The following FAIM variants were observed in gnomAD, a reference collection of about 807,000 sequenced individuals.
The protein encoded by FAIM is Fas apoptotic inhibitory molecule.
FAIM carries 14 observed loss-of-function variants against 21.2 expected under a neutral mutation model. That is an observed-to-expected ratio of 0.66 (90% CI 0.44 to 1.03). The LOEUF (loss-of-function observed/expected upper bound fraction) is 1.03, where lower values mean the gene tolerates loss of function less well. Ranked by LOEUF, FAIM falls within the 50% of genes least tolerant of loss-of-function variation. The probability of loss-of-function intolerance (pLI) is 0.00; values close to 1 mark genes in which losing one functional copy is unlikely to be tolerated. For synonymous variants in FAIM, 86 were observed against 80.4 expected (o/e 1.07, Z -0.37); for missense variants, 222 against 247.1 (o/e 0.90, Z 0.68).
intron 1 of FAIM, among the ~76,000 whole-genome samples, chr3:138,611,298 G>A (rs2042766055): frequency 6.7e-6 from 1 of 149,936 alleles, no homozygotes. Flanking sequence ...TTTTAACAAC[G>A]TTACTGAAAT....
chr3:138,612,218 G>A (rs923564714), intron 1 of FAIM, among the ~76,000 whole-genome samples: 2 of 150,396 alleles, frequency 1.3e-5, no homozygotes, highest in South Asian at 2.1e-4. Context: ...CTCCTGCCTC[G>A]GCCTCTTGAG....
intron 4 of FAIM, among the ~76,000 whole-genome samples, chr3:138,624,427 A>G (rs1200837700): frequency 6.6e-6 from 1 of 152,200 alleles, no homozygotes; most frequent in African/African-American, 2.4e-5. Context: ...TCTTTAAAAA[A>G]TATATTTTTC....
intron 1 of FAIM, among the ~76,000 whole-genome samples, chr3:138,612,973 A>G (rs2042786029): frequency 6.9e-6 from 1 of 145,142 alleles, no homozygotes; most frequent in Admixed American, 6.8e-5. Context: ...GACCATTTGT[A>G]TGTCTTCTTT....
chr3:138,609,614 A>ACTCTCT (rs1211208979), intron 1 of FAIM, among the ~76,000 whole-genome samples: 411 of 25,412 alleles, frequency 0.016, 17 homozygotes, highest in African/African-American at 0.038. Flanking sequence ...CTCTCTCTCG[A>ACTCTCT]CTCTCTCTCT....
At chr3:138,611,068 A>T in intron 1 of FAIM, 5 of 1,475,338 alleles carry the variant, frequency 3.4e-6, no homozygotes, top group Non-Finnish European at 3.8e-6. Context: ...CTGGTACATA[A>T]GTACCCAATA....
In FAIM at chr3:138,627,642, C is replaced by T. The variant is rs185305104; in HGVS notation, c.407-1465C>T. Among the ~76,000 whole-genome samples the T allele has an allele frequency of 5.9e-5, 9 of 152,284 alleles. No homozygotes were observed. The East Asian group carries it at 1.5e-3, about 26-fold the overall frequency. ...GTAAAATACCAGTTTCTACCATCAT[C>T]GTGGTTTATCATAGCACTGTGTGCA... On this transcript the variant is annotated intron_variant, in intron 4 of 5. Transcript: ENST00000360570.
intron 1 of FAIM, among the ~76,000 whole-genome samples, chr3:138,618,114 T>G (rs2042847619): frequency 6.7e-6 from 1 of 149,868 alleles, no homozygotes; most frequent in Non-Finnish European, 1.5e-5. Context: ...CCCCAGTAGC[T>G]GGGACTACAG....
rs373425343 is a variant in FAIM, at chr3:138,629,122, A to G, written c.422A>G (p.Asp141Gly). 45 of 1,610,850 alleles carry G rather than the reference A, an allele frequency of 2.8e-5. No individual in the cohort carries two copies. The highest frequency in any genetic ancestry group is 6.7e-5 in the East Asian group (3 of 44,840). ...ACCTTTACAGAAAAAGATGCTATGG[A>G]CGTATGGTGCAATGGTAAAAAATTG... ...FRIVLEKDAM[D>G]VWCNGKKLET... Residue 141 changes from aspartate (D) to glycine (G), a missense_variant, in exon 5 of 6, where the codon GAC becomes GGC. By Grantham distance (94) the Asp-to-Gly change is moderately conservative (BLOSUM62 -1). Transcript: ENST00000360570.
chr3:138,613,028 C>A (rs996290471), intron 1 of FAIM, among the ~76,000 whole-genome samples: 11 of 117,266 alleles, frequency 9.4e-5, no homozygotes, highest in African/African-American at 3.0e-4. Context: ...TTTTTTTTTT[C>A]CTGGAAACAG....
At position 138,633,043 on chromosome 3, in the gene FAIM, T is replaced by G. The variant is rs746381811; in HGVS notation, c.570T>G (p.Ile190Met). Residue 190 changes from isoleucine to methionine, a missense_variant, in exon 6 of 6, where the codon ATT (isoleucine) becomes ATG (methionine). Physicochemically the swap from Ile to Met is conservative, Grantham distance 10. Transcript: ENST00000360570. ...AAGAAGGGATTATTCATACTCTCATTGTGGATAATAGAGAAATCCCAGAGA... is the reference window on the plus strand; with the variant it reads ...AAGAAGGGATTATTCATACTCTCATGGTGGATAATAGAGAAATCCCAGAGA... ...KRKEGIIHTL[I>M]VDNREIPEIA... 6.2e-7 allele frequency: 1 copy of G among 1,613,768 alleles called. No individual in the cohort carries two copies. Among genetic ancestry groups the G allele is most frequent in the Non-Finnish European group, 8.5e-7 (1 of 1,179,854 alleles).
At chr3:138,619,485 CAG>C (rs1358769009) in intron 1 of FAIM, among the ~76,000 whole-genome samples, 2 of 152,168 alleles carry the variant, frequency 1.3e-5, no homozygotes, top group African/African-American at 4.8e-5. Context: ...AAATCCATAA[CAG>C]GGAAAAATAT....
intron 1 of FAIM, among the ~76,000 whole-genome samples, chr3:138,609,855 C>A (rs894594397): frequency 6.6e-6 from 1 of 152,040 alleles, no homozygotes; most frequent in Non-Finnish European, 1.5e-5. Context: ...GCACAAGATT[C>A]GTTCTAAAAC....
chr3:138,610,982 C>G lies in FAIM; in HGVS notation c.-17+2045C>G, dbSNP rs1410312220. 3.1e-6 allele frequency: 5 copies of G among 1,613,708 alleles called. No individual in the cohort carries two copies. In the Admixed American group the frequency reaches 8.3e-5, roughly 27 times the overall value. Reference sequence around the variant, plus strand: ...TATGCTGCTTCCCTTTATAAGGACACTCCCACTGTTGTGCTATAATCATCT... The same window carrying G: ...TATGCTGCTTCCCTTTATAAGGACAGTCCCACTGTTGTGCTATAATCATCT... On this transcript the variant is annotated intron_variant, in intron 1 of 5. Coordinates refer to ENST00000360570, the MANE Select transcript of FAIM (RefSeq NM_001033031.2).
chr3:138,632,198 T>A (rs2043013024), intron 5 of FAIM, among the ~76,000 whole-genome samples: 1 of 151,094 alleles, frequency 6.6e-6, no homozygotes, highest in Non-Finnish European at 1.5e-5. Context: ...CTAGTATCCA[T>A]ATTTGAAAAA....
intron 1 of FAIM, among the ~76,000 whole-genome samples, chr3:138,617,645 C>G (rs1312264864): frequency 8.2e-6 from 1 of 122,694 alleles, no homozygotes; most frequent in Non-Finnish European, 1.6e-5. Flanking sequence ...TATATCATAT[C>G]TATATATATA....
chr3:138,611,065 A>C (rs766006461), intron 1 of FAIM: 3 of 1,491,984 alleles, frequency 2.0e-6, no homozygotes, highest in Non-Finnish European at 2.8e-6. Context: ...AGCCTGGTAC[A>C]TAAGTACCCA....
chr3:138,618,346 C>T (rs1170028245), intron 1 of FAIM, among the ~76,000 whole-genome samples: 1 of 151,998 alleles, frequency 6.6e-6, no homozygotes, highest in Non-Finnish European at 1.5e-5. Flanking sequence ...CGTTGGATTG[C>T]TTTTATGAGT....
At chr3:138,618,779 G>A (rs1023044852) in intron 1 of FAIM, among the ~76,000 whole-genome samples, 1 of 152,126 alleles carries the variant, frequency 6.6e-6, no homozygotes, top group African/African-American at 2.4e-5. Flanking sequence ...AGCATCTGTA[G>A]GAAACAGGCA....
Position 138,612,231 on chromosome 3 carries a change from G to A in FAIM, c.-17+3294G>A, listed in dbSNP as rs571611652. On this transcript the variant is annotated intron_variant, in intron 1 of 5. Transcript: ENST00000360570. ...TTCTCCTGCCTCGGCCTCTTGAGTAGCTGGGACTACAGGCGCCCGCCACCA... is the reference window on the plus strand; with the variant it reads ...TTCTCCTGCCTCGGCCTCTTGAGTAACTGGGACTACAGGCGCCCGCCACCA... Among the ~76,000 whole-genome samples, 304 of 151,750 alleles carry A rather than the reference G, an allele frequency of 2.0e-3. 3 individuals are homozygous for A. Among genetic ancestry groups the A allele is most frequent in the African/African-American group, 7.1e-3 (293 of 41,372 alleles).
Sources: gnomAD v4.1 joint callset for allele counts (sites outside exome capture counted in the v4.1 genomes callset) on GRCh38, gnomAD v4.1.1 for gene constraint, MANE v1.5 for transcripts, NCBI Gene and HGNC (gene_info 2026-07-23, HGNC 2026-07-21) for gene names.